The following GPRC5B variants were observed in gnomAD, a reference collection of about 807,000 sequenced individuals.
The protein encoded by GPRC5B is G protein-coupled receptor family C group 5 member B.
GPRC5B carries 16 observed loss-of-function variants against 30.1 expected under a neutral mutation model. The ratio of observed to expected loss-of-function variants is 0.53; its 90% confidence interval spans 0.36 to 0.81. GPRC5B has a LOEUF of 0.81. GPRC5B is among the 30% of genes least tolerant of loss of function. The pLI is 0.01. For synonymous variants in GPRC5B, 241 were observed against 239.5 expected (o/e 1.01, Z -0.06); for missense variants, 428 against 544.7 (o/e 0.79, Z 2.13).
intron 1 of GPRC5B, among the ~76,000 whole-genome samples, chr16:19,880,426 T>TATAAATAAA (rs869107300): frequency 1.8e-4 from 2 of 11,104 alleles, no homozygotes; most frequent in African/African-American, 5.9e-4. Flanking sequence ...CTGTCTCTGT[T>TATAAATAAA]ATAAATAAAA....
chr16:19,858,702 T>TA lies in GPRC5B; in HGVS notation c.*1797dup, dbSNP rs1224202602. On this transcript the variant is annotated 3_prime_UTR_variant, in exon 4 of 4. Coordinates refer to ENST00000300571, the MANE Select transcript of GPRC5B (RefSeq NM_016235.3). ...CCCTCCCACCCCTCCCCAGGACTCT[T>TA]ACGTTTTCTGTCCACGCAATGACTG... 6.5e-6 allele frequency: 3 copies of TA among 458,326 alleles called. No individual in the cohort carries two copies. Among genetic ancestry groups the TA allele is most frequent in the East Asian group, 6.7e-5 (2 of 29,914 alleles). The allele number at this position is 458,326 out of a possible 1,614,324, so 28.4% of individuals were successfully genotyped here.
At position 19,858,227 on chromosome 16, in the gene GPRC5B, G is replaced by A. The variant is rs1285227967; in HGVS notation, c.*2273C>T. 5.7e-6 allele frequency: 2 copies of A among 350,612 alleles called. No homozygotes were observed. Among genetic ancestry groups the A allele is most frequent in the Admixed American group, 4.7e-5 (1 of 21,214 alleles). The allele number at this position is 350,612 out of a possible 1,614,324, so 21.7% of individuals were successfully genotyped here. A position where few individuals can be genotyped will look rare whatever the true frequency, so the allele number is the denominator to read the frequency against. On this transcript the variant is annotated 3_prime_UTR_variant, in exon 4 of 4. Transcript: ENST00000300571. ...CTCTCTCCCTTCTCCTCTCACTCCC[G>A]CCTCCGCCCCCATTATGAAGGCGTT...
intron 2 of GPRC5B, among the ~76,000 whole-genome samples, chr16:19,869,246 T>C (rs2056692532): frequency 6.6e-6 from 1 of 151,084 alleles, no homozygotes; most frequent in African/African-American, 2.4e-5. Flanking sequence ...GGAGAATCAC[T>C]TGAAGCTGGG....
intron 1 of GPRC5B, among the ~76,000 whole-genome samples, chr16:19,873,306 A>C (rs1385620889): frequency 1.3e-5 from 2 of 152,054 alleles, no homozygotes; most frequent in Non-Finnish European, 2.9e-5. Context: ...CTACTAAAAA[A>C]TACAAAAATT....
In GPRC5B at chr16:19,872,172, T is replaced by C; in HGVS notation, c.674A>G (p.Lys225Arg). ...LGLALFTLCG[K>R]FKRWKLNGAF... ...CCCGTTCAGCTTCCACCTCTTGAACTTGCCGCACAGAGTGAAGAGGGCCAG... is the reference window on the plus strand; with the variant it reads ...CCCGTTCAGCTTCCACCTCTTGAACCTGCCGCACAGAGTGAAGAGGGCCAG... The change falls in exon 2 of 4, where the codon AAG (lysine) becomes AGG (arginine). Residue 225 changes from lysine to arginine, a missense_variant. Physicochemically the swap from Lys to Arg is conservative, Grantham distance 26. Coordinates refer to ENST00000300571, the MANE Select transcript of GPRC5B (RefSeq NM_016235.3). This position sits in a 1 kb window ranked among gnomAD's most constrained non-coding sequence, Gnocchi z 5.0. 6.2e-7 allele frequency: 1 copy of C among 1,614,134 alleles called. No individual in the cohort carries two copies. Among genetic ancestry groups the C allele is most frequent in the Non-Finnish European group, 8.5e-7 (1 of 1,180,018 alleles).
chr16:19,873,907 G>A (rs1347831067), intron 1 of GPRC5B, among the ~76,000 whole-genome samples: 4 of 152,134 alleles, frequency 2.6e-5, no homozygotes, highest in Non-Finnish European at 5.9e-5. Flanking sequence ...AGCCTCCTGA[G>A]TAGCTGGGAT....
chr16:19,873,701 G>T (rs2056740535), intron 1 of GPRC5B, among the ~76,000 whole-genome samples: 1 of 152,146 alleles, frequency 6.6e-6, no homozygotes, highest in South Asian at 2.1e-4. Context: ...GAGTCTCCAG[G>T]AGGTGACAAC....
chr16:19,870,625 G>T (rs1238632021), intron 2 of GPRC5B, among the ~76,000 whole-genome samples: 2 of 152,244 alleles, frequency 1.3e-5, no homozygotes, highest in Non-Finnish European at 2.9e-5. Flanking sequence ...CTAGGAGAGG[G>T]GATGGGAGCA....
At position 19,884,716 on chromosome 16, in the gene GPRC5B, C is replaced by G; in HGVS notation, c.-2+11G>C. 1 of 985,222 alleles carries G rather than the reference C, an allele frequency of 1.0e-6. No homozygotes were observed. The highest frequency in any genetic ancestry group is 4.7e-5 in the South Asian group (1 of 21,278). 61.0% of individuals were successfully genotyped at this position (985,222 alleles called of 1,614,324 possible). A position where few individuals can be genotyped will look rare whatever the true frequency, so the allele number is the denominator to read the frequency against. On this transcript the variant is annotated intron_variant, in intron 1 of 3. Transcript: ENST00000300571. The stretch of plus-strand genomic sequence containing the variant: ...AGCGTCCTCCACTGCATCGGCGCAG[C>G]TCGCACTTACCGACCCCCGCGGCCC...
chr16:19,864,199 C>T (rs1386630761), intron 2 of GPRC5B, among the ~76,000 whole-genome samples: 1 of 152,208 alleles, frequency 6.6e-6, no homozygotes, highest in East Asian at 1.9e-4. Flanking sequence ...ATAGACCCTG[C>T]ATGTGATGCC....
intron 2 of GPRC5B, among the ~76,000 whole-genome samples, chr16:19,864,140 TC>T (rs1233494586): frequency 6.6e-6 from 1 of 152,128 alleles, no homozygotes; most frequent in Admixed American, 6.5e-5. Context: ...AGACAAGAGG[TC>T]CCCTTAGGAA....
At chr16:19,865,317 G>C (rs374246411) in intron 2 of GPRC5B, among the ~76,000 whole-genome samples, 6 of 152,250 alleles carry the variant, frequency 3.9e-5, no homozygotes, top group Non-Finnish European at 8.8e-5. Flanking sequence ...ATGGGGCTTC[G>C]ATGCGTTTAT....
At position 19,871,296 on chromosome 16, in the gene GPRC5B, A is replaced by AAG. The variant is rs2056716690; in HGVS notation, c.1030+519_1030+520insCT. Among the ~76,000 whole-genome samples the AAG allele has an allele frequency of 4.0e-5, 6 of 150,676 alleles. No individual in the cohort carries two copies. The South Asian group carries it at 1.3e-3, about 31-fold the overall frequency. On this transcript the variant is annotated intron_variant, in intron 2 of 3. Transcript: ENST00000300571. The stretch of plus-strand genomic sequence containing the variant: ...GACCCTGTCTCAAAAAAAAAAAAAA[A>AAG]AAAAGAAAGAAAGAAAAAAACAAAA...
At chr16:19,861,014 G>T (rs1310620842) in intron 3 of GPRC5B, among the ~76,000 whole-genome samples, 3 of 141,462 alleles carry the variant, frequency 2.1e-5, no homozygotes, top group Non-Finnish European at 4.5e-5. Flanking sequence ...GCAAACCAAT[G>T]CCTAGCATAC....
At chr16:19,881,816 T>G (rs1165404956) in intron 1 of GPRC5B, among the ~76,000 whole-genome samples, 1 of 152,164 alleles carries the variant, frequency 6.6e-6, no homozygotes, top group Non-Finnish European at 1.5e-5. Context: ...ATTTTCCTGT[T>G]GCGAAAATGA....
Position 19,859,903 on chromosome 16 carries a change from T to C in GPRC5B, c.*597A>G, listed in dbSNP as rs2056606195. 1 of 152,966 alleles carries C rather than the reference T, an allele frequency of 6.5e-6. No homozygotes were observed. Among genetic ancestry groups the C allele is most frequent in the African/African-American group, 2.4e-5 (1 of 41,440 alleles). The allele number at this position is 152,966 out of a possible 1,614,324, so 9.5% of individuals were successfully genotyped here. A position where few individuals can be genotyped will look rare whatever the true frequency, so the allele number is the denominator to read the frequency against. ...TGGCACATGCCAGGGTCCCTCCACCTCTACTGGCTATAAAGCTCACCCCAC... is the reference window on the plus strand; with the variant it reads ...TGGCACATGCCAGGGTCCCTCCACCCCTACTGGCTATAAAGCTCACCCCAC... On this transcript the variant is annotated 3_prime_UTR_variant, in exon 4 of 4. Transcript: ENST00000300571.
chr16:19,860,663 C>A, intron 3 of GPRC5B, 119 bp from the exon 4 acceptor site: 1 of 629,592 alleles, frequency 1.6e-6, no homozygotes, highest in South Asian at 2.0e-5. Flanking sequence ...CTAGATGGGT[C>A]GAATAATTCC....
In GPRC5B at chr16:19,863,867, C is replaced by T. The variant is rs374510917; in HGVS notation, c.1031-1894G>A. Among the ~76,000 whole-genome samples the T allele has an allele frequency of 1.3e-5, 2 of 151,978 alleles. 1 individual carries two copies. Among genetic ancestry groups the T allele is most frequent in the South Asian group, 4.2e-4 (2 of 4,812 alleles). The stretch of plus-strand genomic sequence containing the variant: ...GTGGATGTGAGGGATCTAGGTTGCA[C>T]GCTTCTTATGAGAATCTAATGCTTG... On this transcript the variant is annotated intron_variant, in intron 2 of 3. Transcript: ENST00000300571.
chr16:19,872,685 A>G lies in GPRC5B; in HGVS notation c.161T>C (p.Ile54Thr). ...QYVSLCDLDA[I>T]WGIVVEAVAG... Reference sequence around the variant, plus strand: ...CACCGCCTCCACCACAATGCCCCAGATGGCGTCCAGGTCGCACAGGGACAC... The same window carrying G: ...CACCGCCTCCACCACAATGCCCCAGGTGGCGTCCAGGTCGCACAGGGACAC... The change falls in exon 2 of 4, where the codon ATC becomes ACC. Residue 54 changes from isoleucine to threonine, a missense_variant. Physicochemically the swap from Ile to Thr is moderately conservative, Grantham distance 89. Transcript: ENST00000300571. This position sits in a 1 kb window ranked among gnomAD's most constrained non-coding sequence, Gnocchi z 5.0. 1 of 1,614,130 alleles carries G rather than the reference A, an allele frequency of 6.2e-7. No homozygotes were observed. The highest frequency in any genetic ancestry group is 8.5e-7 in the Non-Finnish European group (1 of 1,180,040).
Sources: gnomAD v4.1 joint callset for allele counts (sites outside exome capture counted in the v4.1 genomes callset) on GRCh38, gnomAD v4.1.1 for gene constraint, Gnocchi (gnomAD v3.1) non-coding constraint, MANE v1.5 for transcripts, NCBI Gene and HGNC (gene_info 2026-07-23, HGNC 2026-07-21) for gene names.